POLR2I: variants seen among roughly 807,000 people sequenced by gnomAD.
POLR2I encodes DNA-directed RNA polymerase II subunit RPB9.
POLR2I carries 15 observed loss-of-function variants against 23.0 expected under a neutral mutation model. The observed-to-expected ratio is 0.65, with a 90% CI of 0.44 to 1.00. The LOEUF is 1.00. Ranked by LOEUF, POLR2I falls within the 50% of genes least tolerant of loss-of-function variation. The probability of loss-of-function intolerance (pLI) is 0.00; values close to 1 mark genes in which losing one functional copy is unlikely to be tolerated. For synonymous variants in POLR2I, 72 were observed against 65.4 expected (o/e 1.10, Z -0.49); for missense variants, 120 against 173.7 (o/e 0.69, Z 1.74).
chr19:36,114,005 C>A lies in POLR2I; in HGVS notation c.315+10G>T, dbSNP rs908078299. The A allele has an allele frequency of 8.7e-6, 14 of 1,613,466 alleles. No individual in the cohort carries two copies. In the African/African-American group the frequency reaches 1.7e-4, roughly 20 times the overall value. On this transcript the variant is annotated intron_variant, in intron 5 of 5. Transcript: ENST00000221859. This position sits in a 1 kb window ranked among gnomAD's most constrained non-coding sequence, Gnocchi z 4.5. Reference sequence around the variant, plus strand: ...GCCCCAGATACTTAGAAAGCCCTCGCGCCACTTACCTCGGCCCGCGCACTG... The same window carrying A: ...GCCCCAGATACTTAGAAAGCCCTCGAGCCACTTACCTCGGCCCGCGCACTG...
rs1305452931 is a variant in POLR2I, at chr19:36,114,526, G to T, written c.115-114C>A. ...TGACGACAGGACTCTCTTTGGGGAT[G>T]GGCAGGACATGAGAGTCAGGATCAC... On this transcript the variant is annotated intron_variant, in intron 2 of 5. Coordinates refer to ENST00000221859, the MANE Select transcript of POLR2I (RefSeq NM_006233.5). This position sits in a 1 kb window ranked among gnomAD's most constrained non-coding sequence, Gnocchi z 4.5. 3.1e-6 allele frequency: 4 copies of T among 1,298,160 alleles called. No individual in the cohort carries two copies. The highest frequency in any genetic ancestry group is 2.2e-6 in the Non-Finnish European group (2 of 902,480). The allele number at this position is 1,298,160 out of a possible 1,614,324, so 80.4% of individuals were successfully genotyped here. A position where few individuals can be genotyped will look rare whatever the true frequency, so the allele number is the denominator to read the frequency against.
Position 36,114,438 on chromosome 19 carries a change from AG to A in POLR2I, c.115-27del. On this transcript the variant is annotated intron_variant, in intron 2 of 5. Transcript: ENST00000221859. This position sits in a 1 kb window ranked among gnomAD's most constrained non-coding sequence, Gnocchi z 4.5. ...CTACGAGAGGGCGAGTGTGGGGGAA[AG>A]GGGGTCACGGAAGGATTCCAGACAA... The A allele has an allele frequency of 6.2e-7, 1 of 1,607,900 alleles. No homozygotes were observed. Among genetic ancestry groups the A allele is most frequent in the Non-Finnish European group, 8.5e-7 (1 of 1,174,638 alleles).
At chr19:36,113,985 A>G in intron 5 of POLR2I, 30 bp downstream of exon 5, 3 of 1,611,538 alleles carry the variant, frequency 1.9e-6, no homozygotes, top group Non-Finnish European at 2.5e-6. Flanking sequence ...AACAAGCCCC[A>G]GATACTTAGA....
rs1599860123 is a variant in POLR2I at position 36,113,834 on chromosome 19, A to T, written c.316-17T>A. The T allele has an allele frequency of 2.0e-6, 3 of 1,477,664 alleles. No homozygotes were observed. The highest frequency in any genetic ancestry group is 3.8e-5 in the Admixed American group (2 of 52,428). The allele number at this position is 1,477,664 out of a possible 1,614,324, so 91.5% of individuals were successfully genotyped here. A position where few individuals can be genotyped will look rare whatever the true frequency, so the allele number is the denominator to read the frequency against. Reference sequence around the variant, plus strand: ...CATGGCGTCCTGGCAGAAATGATGCATGGTTAGGAAGGATTTGGACCCAGC... The same window carrying T: ...CATGGCGTCCTGGCAGAAATGATGCTTGGTTAGGAAGGATTTGGACCCAGC... On this transcript the variant is annotated splice_polypyrimidine_tract_variant and intron_variant, in intron 5 of 5. Coordinates refer to ENST00000221859, the MANE Select transcript of POLR2I (RefSeq NM_006233.5).
Position 36,114,139 on chromosome 19 carries a change from G to A in POLR2I, c.263+38C>T, listed in dbSNP as rs375469729. The A allele has an allele frequency of 2.8e-4, 448 of 1,612,694 alleles. 1 individual carries two copies. In the African/African-American group the frequency reaches 3.2e-3, roughly 11 times the overall value. ...CTCCCTTCGCCCAGTGAGGAGACGA[G>A]CCTCACTTTACCTCCCCAGTACCAG... On this transcript the variant is annotated intron_variant, in intron 4 of 5. Coordinates refer to ENST00000221859, the MANE Select transcript of POLR2I (RefSeq NM_006233.5). This position sits in a 1 kb window ranked among gnomAD's most constrained non-coding sequence, Gnocchi z 4.5.
chr19:36,113,744 G>T lies in POLR2I; in HGVS notation c.*11C>A. On this transcript the variant is annotated 3_prime_UTR_variant, in exon 6 of 6. Coordinates refer to ENST00000221859, the MANE Select transcript of POLR2I (RefSeq NM_006233.5). ...AATCTGGTGTTTATTACACTCGGGG[G>T]AGAGAGGAGGTCACTCGGTCCAGCG... 6.2e-7 allele frequency: 1 copy of T among 1,613,210 alleles called. No homozygotes were observed.
In POLR2I at chr19:36,114,614, A is replaced by C; in HGVS notation, c.114+45T>G. The C allele has an allele frequency of 6.3e-7, 1 of 1,575,952 alleles. No homozygotes were observed. On this transcript the variant is annotated intron_variant, in intron 2 of 5. Coordinates refer to ENST00000221859, the MANE Select transcript of POLR2I (RefSeq NM_006233.5). The surrounding 1 kb of genome is among the most constrained non-coding windows in gnomAD (Gnocchi z 4.5). Reference sequence around the variant, plus strand: ...CAGAGGCAGGGGGCAGGGCGGGGCCACGCTGGGAACAGGTGGACCTGCCGG... The same window carrying C: ...CAGAGGCAGGGGGCAGGGCGGGGCCCCGCTGGGAACAGGTGGACCTGCCGG...
rs9288 is a variant in POLR2I at position 36,113,815 on chromosome 19, G to A, written c.318C>T (p.Asp106=). The A allele has an allele frequency of 2.5e-6, 4 of 1,612,454 alleles. No individual in the cohort carries two copies. The African/African-American group carries it at 5.3e-5, about 22-fold the overall frequency. The change falls in exon 6 of 6, where the codon GAC becomes GAT. Residue 106 remains aspartate, a splice_region_variant and synonymous_variant. Transcript: ENST00000221859. The stretch of plus-strand genomic sequence containing the variant: ...TGCACACGTAGTAAAGGCGCATGGC[G>A]TCCTGGCAGAAATGATGCATGGTTA... ...FFQSHSARAE[D]AMRLYYVCTA...
rs368952201 is a variant in POLR2I at position 36,113,963 on chromosome 19, C to G, written c.315+52G>C. ...TCACCCACATTGATATCCCCGCCCC[C>G]AGAAAGGACCAAACAAGCCCCAGAT... On this transcript the variant is annotated intron_variant, in intron 5 of 5. Transcript: ENST00000221859. The G allele has an allele frequency of 1.3e-4, 205 of 1,604,248 alleles. 7 individuals are homozygous for G. In the South Asian group the frequency reaches 2.1e-3, roughly 16 times the overall value.
Position 36,114,330 on chromosome 19 carries a change from G to A in POLR2I, c.188+9C>T, listed in dbSNP as rs766834250. On this transcript the variant is annotated intron_variant, in intron 3 of 5. Coordinates refer to ENST00000221859, the MANE Select transcript of POLR2I (RefSeq NM_006233.5). The surrounding 1 kb of genome is among the most constrained non-coding windows in gnomAD (Gnocchi z 4.5). Reference sequence around the variant, plus strand: ...CACCCCCGCCCCCAGCTCAGGGCCCGCCACTCACTCCACTTCGTGCGTGAT... The same window carrying A: ...CACCCCCGCCCCCAGCTCAGGGCCCACCACTCACTCCACTTCGTGCGTGAT... 1.2e-6 allele frequency: 2 copies of A among 1,613,816 alleles called. No homozygotes were observed. The highest frequency in any genetic ancestry group is 1.7e-5 in the Admixed American group (1 of 60,012).
Position 36,114,288 on chromosome 19 carries a change from C to G in POLR2I, c.189-37G>C, listed in dbSNP as rs745327942. ...CGGGGGTGCAAAATTACGCTCAGAC[C>G]CAGCCTCCAGAGCCAACACCCCCGC... On this transcript the variant is annotated intron_variant, in intron 3 of 5. Transcript: ENST00000221859. The surrounding 1 kb of genome is among the most constrained non-coding windows in gnomAD (Gnocchi z 4.5). 3 of 1,613,106 alleles carry G rather than the reference C, an allele frequency of 1.9e-6. No individual in the cohort carries two copies. In the East Asian group the frequency reaches 6.7e-5, roughly 36 times the overall value.
rs1227366720 is a variant in POLR2I at position 36,114,775 on chromosome 19, A to T, written c.59+23T>A. On this transcript the variant is annotated intron_variant, in intron 1 of 5. Coordinates refer to ENST00000221859, the MANE Select transcript of POLR2I (RefSeq NM_006233.5). This position sits in a 1 kb window ranked among gnomAD's most constrained non-coding sequence, Gnocchi z 4.5. ...AGCCATTCCTCGCCCGCCTTCTAAC[A>T]TCACCCGCTCCCTCCGCCTCACCAT... 6.2e-7 allele frequency: 1 copy of T among 1,614,092 alleles called. No individual in the cohort carries two copies. The highest frequency in any genetic ancestry group is 1.1e-5 in the South Asian group (1 of 91,084).
Position 36,114,160 on chromosome 19 carries a change from A to G in POLR2I, c.263+17T>C, listed in dbSNP as rs1396667293. The G allele has an allele frequency of 6.2e-7, 1 of 1,614,020 alleles. No homozygotes were observed. Among genetic ancestry groups the G allele is most frequent in the Admixed American group, 1.7e-5 (1 of 60,002 alleles). ...ACGAGCCTCACTTTACCTCCCCAGTACCAGCTGAACGCTCACTTTTGGCAC... is the reference window on the plus strand; with the variant it reads ...ACGAGCCTCACTTTACCTCCCCAGTGCCAGCTGAACGCTCACTTTTGGCAC... On this transcript the variant is annotated intron_variant, in intron 4 of 5. Transcript: ENST00000221859. This position sits in a 1 kb window ranked among gnomAD's most constrained non-coding sequence, Gnocchi z 4.5.
rs540652509 is a variant in POLR2I at position 36,114,753 on chromosome 19, C to G, written c.60-40G>C. The stretch of plus-strand genomic sequence containing the variant: ...AGGTGCCAGGGGTTAGTTCTGGAGC[C>G]ATTCCTCGCCCGCCTTCTAACATCA... On this transcript the variant is annotated intron_variant, in intron 1 of 5. Transcript: ENST00000221859. This position sits in a 1 kb window ranked among gnomAD's most constrained non-coding sequence, Gnocchi z 4.5. 6.2e-7 allele frequency: 1 copy of G among 1,613,784 alleles called. No homozygotes were observed. The highest frequency in any genetic ancestry group is 8.5e-7 in the Non-Finnish European group (1 of 1,179,660).
rs778570928 is a variant in POLR2I at position 36,114,392 on chromosome 19, C to T, written c.135G>A (p.Gln45=). The T allele has an allele frequency of 1.9e-6, 3 of 1,614,048 alleles. No individual in the cohort carries two copies. The South Asian group carries it at 3.3e-5, about 18-fold the overall frequency. ...AGATGCAGCTGTTGTCGGCCTCCTG[C>T]TGGTAATCACAGTTCCGGCACTACG... is the stretch of plus-strand genomic sequence containing the variant. ...LLYACRNCDY[Q]QEADNSCIYV... The change falls in exon 3 of 6, where the codon CAG becomes CAA. Residue 45 remains glutamine (Q), a synonymous_variant. Coordinates refer to ENST00000221859, the MANE Select transcript of POLR2I (RefSeq NM_006233.5). The surrounding 1 kb of genome is among the most constrained non-coding windows in gnomAD (Gnocchi z 4.5).
chr19:36,114,690 TC>T lies in POLR2I; in HGVS notation c.82del (p.Glu28LysfsTer38). ...QECNNMLYPK[E>X]DKENRILLYA... Reference sequence around the variant, plus strand: ...GAGCAGAATGCGGTTCTCCTTGTCTTCCTTGGGGTACAGCATGTTGTTACTG... The same window carrying T: ...GAGCAGAATGCGGTTCTCCTTGTCTTCTTGGGGTACAGCATGTTGTTACTG... On this transcript the variant is annotated frameshift_variant, in exon 2 of 6. Coordinates refer to ENST00000221859, the MANE Select transcript of POLR2I (RefSeq NM_006233.5). LOFTEE classifies it high-confidence loss of function. The surrounding 1 kb of genome is among the most constrained non-coding windows in gnomAD (Gnocchi z 4.5). 1 of 1,611,746 alleles carries T rather than the reference TC, an allele frequency of 6.2e-7. No homozygotes were observed. Among genetic ancestry groups the T allele is most frequent in the Non-Finnish European group, 8.5e-7 (1 of 1,178,048 alleles).
Position 36,114,441 on chromosome 19 carries a change from G to C in POLR2I, c.115-29C>G. ...CGAGAGGGCGAGTGTGGGGGAAAGG[G>C]GGTCACGGAAGGATTCCAGACAAGA... On this transcript the variant is annotated intron_variant, in intron 2 of 5. Transcript: ENST00000221859. This position sits in a 1 kb window ranked among gnomAD's most constrained non-coding sequence, Gnocchi z 4.5. The C allele has an allele frequency of 6.2e-7, 1 of 1,605,882 alleles. No homozygotes were observed. The highest frequency in any genetic ancestry group is 8.5e-7 in the Non-Finnish European group (1 of 1,172,830).
In POLR2I at chr19:36,114,356, C is replaced by G; in HGVS notation, c.171G>C (p.Lys57Asn). ...EADNSCIYVN[K>N]ITHEVDELTQ... ...CCACTCACTCCACTTCGTGCGTGAT[C>G]TTGTTGACATAGATGCAGCTGTTGT... The change falls in exon 3 of 6, where the codon AAG becomes AAC. Residue 57 changes from lysine to asparagine, a missense_variant. Transcript: ENST00000221859. This position sits in a 1 kb window ranked among gnomAD's most constrained non-coding sequence, Gnocchi z 4.5. 1 of 1,614,122 alleles carries G rather than the reference C, an allele frequency of 6.2e-7. No homozygotes were observed. Among genetic ancestry groups the G allele is most frequent in the South Asian group, 1.1e-5 (1 of 91,082 alleles).
rs1429465280 is a variant in POLR2I, at chr19:36,113,800, G to A, written c.333C>T (p.Tyr111=). ...CGCAGTGTGGGGCTGTGCACACGTAGTAAAGGCGCATGGCGTCCTGGCAGA... is the reference window on the plus strand; with the variant it reads ...CGCAGTGTGGGGCTGTGCACACGTAATAAAGGCGCATGGCGTCCTGGCAGA... ...SARAEDAMRL[Y]YVCTAPHCGH... Residue 111 remains tyrosine, a synonymous_variant, in exon 6 of 6, where the codon TAC becomes TAT. Transcript: ENST00000221859. 8 of 1,613,108 alleles carry A rather than the reference G, an allele frequency of 5.0e-6. No homozygotes were observed. The highest frequency in any genetic ancestry group is 5.9e-6 in the Non-Finnish European group (7 of 1,179,950).
Sources: allele counts gnomAD v4.1 joint callset, GRCh38; gene constraint gnomAD v4.1.1; non-coding constraint Gnocchi (gnomAD v3.1); transcripts MANE v1.5; gene names NCBI Gene and HGNC (gene_info 2026-07-23, HGNC 2026-07-21).